RNF34: variants seen among roughly 807,000 people sequenced by gnomAD.
RNF34 encodes the protein E3 ubiquitin-protein ligase RNF34.
A neutral mutation model predicts 37.9 loss-of-function variants in RNF34; 12 were observed. The ratio of observed to expected loss-of-function variants is 0.32; its 90% CI spans 0.20 to 0.51. RNF34 has a LOEUF of 0.51. Among genes scored for constraint, RNF34 ranks in the 20% least tolerant of loss-of-function variants. The pLI is 0.97. For missense variants in RNF34, 362 were observed against 472.7 expected, an observed-to-expected ratio of 0.77 and a Z score of 2.17; for synonymous variants, 155 against 177.2, an observed-to-expected ratio of 0.87 and a Z score of 1.00.
Position 121,420,783 on chromosome 12 carries a change from G to A in RNF34, c.928+5G>A. 6.2e-7 allele frequency: 1 copy of A among 1,605,100 alleles called. No individual in the cohort carries two copies. Among genetic ancestry groups the A allele is most frequent in the Admixed American group, 1.7e-5 (1 of 59,772 alleles). On this transcript the variant is annotated splice_donor_5th_base_variant and intron_variant, in intron 5 of 5. Coordinates refer to ENST00000361234, the MANE Select transcript of RNF34 (RefSeq NM_025126.4). ...ATGAAGAAAACCAAAAGTCCTGTAGGTTTATCTTTTCATTTTTTCCCTGTA... is the reference window on the plus strand; with the variant it reads ...ATGAAGAAAACCAAAAGTCCTGTAGATTTATCTTTTCATTTTTTCCCTGTA...
chr12:121,415,810 A>G (rs1344429606), intron 1 of RNF34, among the ~76,000 whole-genome samples: 3 of 151,188 alleles, frequency 2.0e-5, no homozygotes, highest in East Asian at 1.9e-4. Flanking sequence ...GCATATCCCA[A>G]ATATACCACA....
intron 3 of RNF34, among the ~76,000 whole-genome samples, chr12:121,418,996 G>A (rs1216721959): frequency 3.3e-5 from 5 of 152,108 alleles, no homozygotes; most frequent in African/African-American, 9.7e-5. Flanking sequence ...AGCCAACCGC[G>A]CCTGGCCAAG....
At chr12:121,415,298 GA>G in intron 1 of RNF34, 1 of 382,344 alleles carries the variant, frequency 2.6e-6, no homozygotes. Flanking sequence ...TTACAAATGC[GA>G]AAACAGAGGT....
chr12:121,416,486 A>C (rs1871585943), intron 2 of RNF34, 109 bp downstream of exon 2: 2 of 798,816 alleles, frequency 2.5e-6, no homozygotes, highest in East Asian at 2.6e-5. Flanking sequence ...AAATATCAAA[A>C]GCTTAGTTCC....
chr12:121,409,197 C>G (rs914156629), intron 1 of RNF34, among the ~76,000 whole-genome samples: 1 of 152,144 alleles, frequency 6.6e-6, no homozygotes, highest in East Asian at 1.9e-4. Context: ...CCAGGCTGGT[C>G]TCAAACTCCT....
chr12:121,418,566 T>C (rs1871794045), intron 3 of RNF34: 1 of 152,368 alleles, frequency 6.6e-6, no homozygotes, highest in Non-Finnish European at 1.5e-5. Context: ...TTATTAAAAG[T>C]AGAGGAAAGC....
At position 121,417,487 on chromosome 12, in the gene RNF34, T is replaced by C. The variant is rs1329810921; in HGVS notation, c.226-17T>C. The C allele has an allele frequency of 1.3e-6, 2 of 1,598,862 alleles. No homozygotes were observed. Among genetic ancestry groups the C allele is most frequent in the Non-Finnish European group, 1.7e-6 (2 of 1,171,968 alleles). On this transcript the variant is annotated splice_polypyrimidine_tract_variant and intron_variant, in intron 2 of 5. Transcript: ENST00000361234. This position sits in a 1 kb window ranked among gnomAD's most constrained non-coding sequence, Gnocchi z 5.0. ...TGGTTTATATCTTGCTGTCATCAAA[T>C]GCTTTTCTTTCTTCAGCATGTTTGC...
In RNF34 at chr12:121,423,350, C is replaced by G; in HGVS notation, c.929-36C>G. The G allele has an allele frequency of 6.5e-7, 1 of 1,535,562 alleles. No homozygotes were observed. The highest frequency in any genetic ancestry group is 1.2e-5 in the South Asian group (1 of 80,924). On this transcript the variant is annotated intron_variant, in intron 5 of 5. Coordinates refer to ENST00000361234, the MANE Select transcript of RNF34 (RefSeq NM_025126.4). The surrounding 1 kb of genome is among the most constrained non-coding windows in gnomAD (Gnocchi z 4.3). ...AGGGTGGCTGGCTGACTGGCCATGC[C>G]TGAAGCCGAGGCCTTAGCTCTCTGT...
Position 121,423,365 on chromosome 12 carries a change from T to C in RNF34, c.929-21T>C. The C allele has an allele frequency of 6.3e-7, 1 of 1,581,314 alleles. No individual in the cohort carries two copies. The highest frequency in any genetic ancestry group is 8.6e-7 in the Non-Finnish European group (1 of 1,161,122). ...CTGGCCATGCCTGAAGCCGAGGCCT[T>C]AGCTCTCTGTTGCCTTTCAGATGGC... On this transcript the variant is annotated intron_variant, in intron 5 of 5. Coordinates refer to ENST00000361234, the MANE Select transcript of RNF34 (RefSeq NM_025126.4). This position sits in a 1 kb window ranked among gnomAD's most constrained non-coding sequence, Gnocchi z 4.3.
chr12:121,419,276 A>G (rs1555282823), intron 3 of RNF34, among the ~76,000 whole-genome samples: 1 of 152,216 alleles, frequency 6.6e-6, no homozygotes, highest in Non-Finnish European at 1.5e-5. Flanking sequence ...GCCATGCCCT[A>G]TAGCCTAGGT....
chr12:121,406,585 C>A (rs1228318557), intron 1 of RNF34, among the ~76,000 whole-genome samples: 2 of 152,196 alleles, frequency 1.3e-5, no homozygotes, highest in African/African-American at 4.8e-5. Flanking sequence ...CCGCGCCGGG[C>A]TGGTGTTAAG....
At chr12:121,421,390 A>C (rs890282106) in intron 5 of RNF34, among the ~76,000 whole-genome samples, 6 of 148,568 alleles carry the variant, frequency 4.0e-5, no homozygotes, top group Admixed American at 6.7e-5. Flanking sequence ...AAAAAAAAAA[A>C]AAAAAAAACC....
chr12:121,407,282 G>A (rs1870632495), intron 1 of RNF34, among the ~76,000 whole-genome samples: 1 of 152,182 alleles, frequency 6.6e-6, no homozygotes, highest in Non-Finnish European at 1.5e-5. Flanking sequence ...ATTCACGGAG[G>A]AGTAACTGTA....
chr12:121,416,386 G>A lies in RNF34; in HGVS notation c.225+9G>A, dbSNP rs369500317. The A allele has an allele frequency of 5.7e-6, 9 of 1,576,514 alleles. No homozygotes were observed. The highest frequency in any genetic ancestry group is 7.9e-6 in the Non-Finnish European group (9 of 1,145,826). Reference sequence around the variant, plus strand: ...CAGTCTTTAGAAAGAAGGTGAGTTGGATGAAATGTTACATAACAACACACA... The same window carrying A: ...CAGTCTTTAGAAAGAAGGTGAGTTGAATGAAATGTTACATAACAACACACA... On this transcript the variant is annotated intron_variant, in intron 2 of 5. Coordinates refer to ENST00000361234, the MANE Select transcript of RNF34 (RefSeq NM_025126.4).
At chr12:121,402,701 C>G (rs913650994) in intron 1 of RNF34, 12 of 1,278,184 alleles carry the variant, frequency 9.4e-6, no homozygotes, top group Middle Eastern at 1.9e-4. Context: ...AGAAAGTAAT[C>G]TACTGAATGT....
In RNF34 at chr12:121,420,841, G is replaced by T. The variant is rs947640062; in HGVS notation, c.928+63G>T. 2.5e-5 allele frequency: 32 copies of T among 1,264,426 alleles called. No individual in the cohort carries two copies. The African/African-American group carries it at 4.8e-4, about 19-fold the overall frequency. The allele number at this position is 1,264,426 out of a possible 1,614,324, so 78.3% of individuals were successfully genotyped here. A position where few individuals can be genotyped will look rare whatever the true frequency, so the allele number is the denominator to read the frequency against. On this transcript the variant is annotated intron_variant, in intron 5 of 5. Coordinates refer to ENST00000361234, the MANE Select transcript of RNF34 (RefSeq NM_025126.4). The stretch of plus-strand genomic sequence containing the variant: ...TCCTTAGGCTTTTAAAAACTGGGTT[G>T]TTTTTGTCACAATTAAGTCAAATTT...
At position 121,417,572 on chromosome 12, in the gene RNF34, A is replaced by G. The variant is rs1199579106; in HGVS notation, c.294A>G (p.Arg98=). The G allele has an allele frequency of 5.6e-6, 9 of 1,614,094 alleles. No homozygotes were observed. The African/African-American group carries it at 1.1e-4, about 19-fold the overall frequency. ...VCSVLQENLR[R]CSTCHLLQET... is the part of the protein sequence containing the mutation. ...CAGTCTTACAAGAAAATCTCCGTAG[A>G]TGTTCTACTTGTCACTTATTACAAG... The change falls in exon 3 of 6, where the codon AGA becomes AGG. Residue 98 remains arginine (R), a synonymous_variant. Transcript: ENST00000361234. This position sits in a 1 kb window ranked among gnomAD's most constrained non-coding sequence, Gnocchi z 5.0.
At chr12:121,412,058 TTTA>T (rs1172707600) in intron 1 of RNF34, among the ~76,000 whole-genome samples, 1 of 151,980 alleles carries the variant, frequency 6.6e-6, no homozygotes, top group Non-Finnish European at 1.5e-5. Context: ...GAACATTAAC[TTTA>T]TTATTATTAA....
chr12:121,402,797 G>A (rs1463954491), intron 1 of RNF34: 1 of 1,604,268 alleles, frequency 6.2e-7, no homozygotes, highest in South Asian at 1.1e-5. Flanking sequence ...AAAAACCCAA[G>A]CATGAGGAAG....
Sources: allele counts gnomAD v4.1 joint callset (sites outside exome capture counted in the v4.1 genomes callset), GRCh38; gene constraint gnomAD v4.1.1; non-coding constraint Gnocchi (gnomAD v3.1); transcripts MANE v1.5; gene names NCBI Gene and HGNC (gene_info 2026-07-23, HGNC 2026-07-21).